Variants in CAMTA1 observed in about 807,000 individuals in gnomAD.
The protein encoded by CAMTA1 is calmodulin-binding transcription activator 1.
Under a neutral mutation model 170.9 loss-of-function variants are expected in CAMTA1, and 27 were observed. The observed-to-expected ratio is 0.16, with a 90% CI of 0.12 to 0.22. The LOEUF is 0.22. Among genes scored for constraint, CAMTA1 ranks in the 10% least tolerant of loss-of-function variants. The pLI, the probability that CAMTA1 is intolerant of heterozygous loss-of-function variation, is 1.00. For missense variants in CAMTA1, 1,619 were observed against 2,217.2 expected, an observed-to-expected ratio of 0.73 and a Z score of 5.42; for synonymous variants, 833 against 891.5, an observed-to-expected ratio of 0.93 and a Z score of 1.17.
intron 3 of CAMTA1, among the ~76,000 whole-genome samples, chr1:6,917,392 G>A (rs567754771): frequency 1.3e-5 from 2 of 152,274 alleles, no homozygotes; most frequent in Admixed American, 6.5e-5. Flanking sequence ...GAAGCCCAGG[G>A]TGGCAAGATT....
intron 4 of CAMTA1, among the ~76,000 whole-genome samples, chr1:7,200,722 T>G (rs185840596): frequency 3.6e-4 from 55 of 152,256 alleles, no homozygotes; most frequent in African/African-American, 1.2e-3. Flanking sequence ...GATTTGCGCA[T>G]TGCTGGTTGG....
chr1:7,309,287 ATTTTTTTTTTTTTTT>A (rs34401498), intron 5 of CAMTA1, among the ~76,000 whole-genome samples: 3 of 70,462 alleles, frequency 4.3e-5, no homozygotes, highest in African/African-American at 1.0e-4. Flanking sequence ...CAGTTAGAAA[ATTTTTTTTTTTTTTT>A]TTTTTTTTTT....
chr1:7,626,528 G>A lies in CAMTA1; in HGVS notation c.511-13872G>A, dbSNP rs532095794. The stretch of plus-strand genomic sequence containing the variant: ...GAAGAAGTTTGCTGGCCGGGAAGCA[G>A]CCTTGTTCTGAATGCCACTTGTGGT... On this transcript the variant is annotated intron_variant, in intron 6 of 22. Coordinates refer to ENST00000303635, the MANE Select transcript of CAMTA1 (RefSeq NM_015215.4). 5.9e-5 allele frequency among the ~76,000 whole-genome samples: 9 copies of A among 152,338 alleles called. 1 individual carries two copies. The South Asian group carries it at 1.7e-3, about 28-fold the overall frequency.
At chr1:6,980,947 G>A (rs1253208798) in intron 3 of CAMTA1, among the ~76,000 whole-genome samples, 4 of 152,066 alleles carry the variant, frequency 2.6e-5, no homozygotes, top group Non-Finnish European at 5.9e-5. Context: ...GGCTTCCTTT[G>A]CTGTCACTGG....
intron 5 of CAMTA1, among the ~76,000 whole-genome samples, chr1:7,259,567 A>G (rs1019888605): frequency 1.3e-5 from 2 of 152,240 alleles, no homozygotes; most frequent in African/African-American, 4.8e-5. Flanking sequence ...GTCCTGCCTC[A>G]GTGCCTTGCC....
At chr1:7,389,937 A>G (rs948141609) in intron 5 of CAMTA1, among the ~76,000 whole-genome samples, 5 of 152,232 alleles carry the variant, frequency 3.3e-5, no homozygotes, top group Admixed American at 2.6e-4. Flanking sequence ...CAGGGCCACT[A>G]GTTTCCCTCG....
intron 3 of CAMTA1, among the ~76,000 whole-genome samples, chr1:7,033,330 A>G (rs1436102566): frequency 6.6e-6 from 1 of 152,048 alleles, no homozygotes; most frequent in Non-Finnish European, 1.5e-5. Flanking sequence ...ACTGCATCTT[A>G]GGTTTTCACT....
At chr1:7,142,896 G>A (rs899367846) in intron 4 of CAMTA1, among the ~76,000 whole-genome samples, 6 of 152,218 alleles carry the variant, frequency 3.9e-5, no homozygotes, top group East Asian at 3.8e-4. Flanking sequence ...CCTGAAACAC[G>A]AGAGGCTGGA....
At chr1:7,755,090 C>T (rs2096921864) in intron 21 of CAMTA1, among the ~76,000 whole-genome samples, 1 of 152,028 alleles carries the variant, frequency 6.6e-6, no homozygotes, top group Non-Finnish European at 1.5e-5. Flanking sequence ...CTTTGGGAGG[C>T]CGAGGCAGGC....
In CAMTA1 at chr1:7,634,176, A is replaced by G. The variant is rs1020945401; in HGVS notation, c.511-6224A>G. Among the ~76,000 whole-genome samples, 4 of 152,042 alleles carry G rather than the reference A, an allele frequency of 2.6e-5. No homozygotes were observed. The highest frequency in any genetic ancestry group is 5.9e-5 in the Non-Finnish European group (4 of 68,022). ...AGCAGACGTGAGGACACCCGGGAGG[A>G]GGGCACACTCCCACGTGCGCAGGAG... is the stretch of plus-strand genomic sequence containing the variant. On this transcript the variant is annotated intron_variant, in intron 6 of 22. Transcript: ENST00000303635. The surrounding 1 kb of genome is among the most constrained non-coding windows in gnomAD (Gnocchi z 6.2).
At chr1:6,813,458 G>A (rs1426662196) in intron 1 of CAMTA1, among the ~76,000 whole-genome samples, 1 of 148,892 alleles carries the variant, frequency 6.7e-6, no homozygotes, top group African/African-American at 2.5e-5. Flanking sequence ...AAACTGTTGA[G>A]TATTCCCCCT....
intron 3 of CAMTA1, among the ~76,000 whole-genome samples, chr1:7,070,208 G>T (rs1030741305): frequency 6.6e-6 from 1 of 152,164 alleles, no homozygotes; most frequent in African/African-American, 2.4e-5. Context: ...ATGGGGGCGG[G>T]CTCAAAAGGG....
At chr1:6,837,461 C>G (rs894888845) in intron 3 of CAMTA1, among the ~76,000 whole-genome samples, 1 of 152,042 alleles carries the variant, frequency 6.6e-6, no homozygotes, top group Admixed American at 6.6e-5. Context: ...GGAAAACACT[C>G]GCATATATTT....
At chr1:7,449,284 C>T (rs1184269757) in intron 5 of CAMTA1, among the ~76,000 whole-genome samples, 16 of 152,166 alleles carry the variant, frequency 1.1e-4, no homozygotes, top group Non-Finnish European at 1.8e-4. Flanking sequence ...ACGTGGTGTG[C>T]GTGGGCCAAG....
At chr1:7,759,894 C>T (rs2096961758) in intron 22 of CAMTA1, among the ~76,000 whole-genome samples, 1 of 152,116 alleles carries the variant, frequency 6.6e-6, no homozygotes, top group Admixed American at 6.5e-5. Context: ...ATTTATTTTT[C>T]GTGGATAGTA....
chr1:7,754,452 C>G (rs12569295), intron 21 of CAMTA1, among the ~76,000 whole-genome samples: 4 of 152,056 alleles, frequency 2.6e-5, no homozygotes, highest in African/African-American at 7.2e-5. Context: ...TTTGCCAAAG[C>G]TGTGTCCCGT....
chr1:7,448,349 A>G lies in CAMTA1; in HGVS notation c.439-19481A>G, dbSNP rs183454389. The stretch of plus-strand genomic sequence containing the variant: ...AAACCTGACGTTTCCTTGGGTCTGG[A>G]ATGTGTGCGAACCTCCATGTCCTGG... On this transcript the variant is annotated intron_variant, in intron 5 of 22. Transcript: ENST00000303635. Among the ~76,000 whole-genome samples the G allele has an allele frequency of 2.4e-3, 358 of 152,138 alleles. 2 individuals are homozygous for G. Among genetic ancestry groups the G allele is most frequent in the African/African-American group, 8.4e-3 (348 of 41,496 alleles).
intron 3 of CAMTA1, among the ~76,000 whole-genome samples, chr1:7,070,007 C>G (rs552315168): frequency 7.9e-5 from 12 of 152,224 alleles, no homozygotes; most frequent in Non-Finnish European, 1.8e-4. Flanking sequence ...TTCACGTCCT[C>G]TCGCCCTCCT....
At chr1:7,537,578 C>T (rs549451205) in intron 6 of CAMTA1, among the ~76,000 whole-genome samples, 1 of 152,330 alleles carries the variant, frequency 6.6e-6, no homozygotes, top group Non-Finnish European at 1.5e-5. Context: ...ACCCTGGGGA[C>T]GCTGGTCCTC....
Sources: gnomAD v4.1 joint callset for allele counts (sites outside exome capture counted in the v4.1 genomes callset) on GRCh38, gnomAD v4.1.1 for gene constraint, Gnocchi (gnomAD v3.1) non-coding constraint, MANE v1.5 for transcripts, NCBI Gene and HGNC (gene_info 2026-07-23, HGNC 2026-07-21) for gene names.